Variants in CBLB observed in about 807,000 individuals in gnomAD.
CBLB encodes the protein E3 ubiquitin-protein ligase CBL-B.
CBLB carries 31 observed loss-of-function variants against 104.9 expected under a neutral mutation model. The observed-to-expected ratio is 0.30, with a 90% CI of 0.22 to 0.40. The LOEUF is 0.40. CBLB is among the 10% of genes least tolerant of loss of function. CBLB has a pLI of 1.00. For synonymous variants in CBLB, 440 were observed against 422.6 expected (o/e 1.04, Z -0.51); for missense variants, 1,062 against 1,214.6 (o/e 0.87, Z 1.87).
At chr3:105,683,975 G>A (rs2066662135) in intron 14 of CBLB, among the ~76,000 whole-genome samples, 1 of 152,190 alleles carries the variant, frequency 6.6e-6, no homozygotes. Context: ...CTCTTTCCAA[G>A]TGCTGCATTT....
chr3:105,687,634 T>TCA (rs770362337), intron 13 of CBLB, among the ~76,000 whole-genome samples: 9 of 152,208 alleles, frequency 5.9e-5, no homozygotes, highest in Non-Finnish European at 1.2e-4. Flanking sequence ...GTTCCATTTA[T>TCA]CACCATTTTA....
intron 5 of CBLB, among the ~76,000 whole-genome samples, chr3:105,746,571 C>T (rs1247918895): frequency 2.0e-5 from 3 of 152,176 alleles, no homozygotes; most frequent in Non-Finnish European, 2.9e-5. Context: ...GATGCCTTTA[C>T]TTGAATTTTC....
At chr3:105,735,296 A>G (rs1037907257) in intron 8 of CBLB, among the ~76,000 whole-genome samples, 2 of 152,210 alleles carry the variant, frequency 1.3e-5, no homozygotes, top group African/African-American at 4.8e-5. Context: ...TTAAGGAAAG[A>G]GACGAGAGAA....
intron 3 of CBLB, among the ~76,000 whole-genome samples, chr3:105,800,692 C>A (rs1347059403): frequency 1.3e-5 from 2 of 152,132 alleles, no homozygotes; most frequent in African/African-American, 4.8e-5. Context: ...CCCCCACCCA[C>A]TTCCTGTGAG....
At chr3:105,835,845 A>G (rs2088396162) in intron 3 of CBLB, among the ~76,000 whole-genome samples, 1 of 152,262 alleles carries the variant, frequency 6.6e-6, no homozygotes, top group African/African-American at 2.4e-5. Context: ...CCAGTTATTT[A>G]GGCTTTCCAG....
chr3:105,766,384 T>G (rs371462499), intron 4 of CBLB, among the ~76,000 whole-genome samples: 16 of 152,320 alleles, frequency 1.1e-4, no homozygotes, highest in South Asian at 8.3e-4. Flanking sequence ...ACTCCAATTT[T>G]GAATGAAACT....
intron 6 of CBLB, among the ~76,000 whole-genome samples, chr3:105,743,868 T>C (rs1159494261): frequency 2.6e-5 from 4 of 152,088 alleles, no homozygotes; most frequent in African/African-American, 7.2e-5. Flanking sequence ...TAATTTGTTA[T>C]ATATTATTTA....
intron 9 of CBLB, among the ~76,000 whole-genome samples, chr3:105,729,454 A>G (rs2074060059): frequency 6.6e-6 from 1 of 152,148 alleles, no homozygotes; most frequent in Admixed American, 6.5e-5. Context: ...AAGCAAAATA[A>G]CAAATTCTTC....
intron 3 of CBLB, among the ~76,000 whole-genome samples, chr3:105,839,268 T>C (rs981038338): frequency 1.3e-5 from 2 of 152,220 alleles, no homozygotes; most frequent in African/African-American, 2.4e-5. Context: ...GATTAAATGC[T>C]TGTCAGACAT....
intron 11 of CBLB, 85 bp from the exon 12 acceptor site, chr3:105,702,544 T>C: frequency 7.4e-7 from 1 of 1,354,386 alleles, no homozygotes. Flanking sequence ...AACTAGTGTA[T>C]TATTGCTTTA....
intron 10 of CBLB, among the ~76,000 whole-genome samples, chr3:105,705,492 T>C (rs1195820448): frequency 6.6e-6 from 1 of 152,224 alleles, no homozygotes; most frequent in Non-Finnish European, 1.5e-5. Flanking sequence ...GTCTGATGAC[T>C]TTGACAGTTT....
rs2076049414 is a variant in CBLB at position 105,745,821 on chromosome 3, G to A, written c.845+96C>T. 2.7e-6 allele frequency: 3 copies of A among 1,102,142 alleles called. No individual in the cohort carries two copies. The South Asian group carries it at 3.8e-5, about 14-fold the overall frequency. 68.3% of individuals were successfully genotyped at this position (1,102,142 alleles called of 1,614,324 possible). On this transcript the variant is annotated intron_variant, in intron 6 of 18. Transcript: ENST00000394030. ...CCTTTTCTAGCCCCCTCCCAAGCATGCCATCAGCGGGTATTGCTGACTTAC... is the reference window on the plus strand; with the variant it reads ...CCTTTTCTAGCCCCCTCCCAAGCATACCATCAGCGGGTATTGCTGACTTAC...
At chr3:105,754,549 GAGAGAGAGAGAA>G (rs1339522809) in intron 4 of CBLB, among the ~76,000 whole-genome samples, 43 of 148,156 alleles carry the variant, frequency 2.9e-4, no homozygotes, top group African/African-American at 1.1e-3. Flanking sequence ...GAGAGAGAGA[GAGAGAGAGAGAA>G]AATAAAAAGG....
chr3:105,860,551 C>T (rs1287297156), intron 2 of CBLB, among the ~76,000 whole-genome samples: 5 of 152,156 alleles, frequency 3.3e-5, no homozygotes, highest in African/African-American at 7.2e-5. Flanking sequence ...GGTTCTTCTT[C>T]GGGAAACCTC....
At chr3:105,735,292 A>G (rs1329686917) in intron 8 of CBLB, among the ~76,000 whole-genome samples, 3 of 152,154 alleles carry the variant, frequency 2.0e-5, no homozygotes, top group Non-Finnish European at 4.4e-5. Context: ...GAACTTAAGG[A>G]AAGAGACGAG....
rs1293431696 is a variant in CBLB at position 105,819,160 on chromosome 3, T to C, written c.419+34254A>G. Among the ~76,000 whole-genome samples, 6 of 152,146 alleles carry C rather than the reference T, an allele frequency of 3.9e-5. 1 individual carries two copies. Among genetic ancestry groups the C allele is most frequent in the Admixed American group, 3.9e-4 (6 of 15,272 alleles). ...TGAAGAGAAAAGTAAATATGAATAT[T>C]TAAGTTGGAGCATAAATTAACAGAT... On this transcript the variant is annotated intron_variant, in intron 3 of 18. Coordinates refer to ENST00000394030, the MANE Select transcript of CBLB (RefSeq NM_170662.5).
intron 10 of CBLB, among the ~76,000 whole-genome samples, chr3:105,709,515 T>C (rs567165974): frequency 2.4e-4 from 36 of 151,992 alleles, no homozygotes; most frequent in Admixed American, 2.1e-3. Flanking sequence ...TTGGTGATGG[T>C]TCCTAATCAC....
intron 3 of CBLB, among the ~76,000 whole-genome samples, chr3:105,780,643 T>C (rs1354864441): frequency 6.8e-6 from 1 of 146,686 alleles, no homozygotes; most frequent in East Asian, 2.0e-4. Flanking sequence ...AATTTTACAA[T>C]AAAAGTTTTG....
At chr3:105,866,962 T>C (rs775950112) in intron 2 of CBLB, among the ~76,000 whole-genome samples, 2 of 152,248 alleles carry the variant, frequency 1.3e-5, no homozygotes, top group African/African-American at 2.4e-5. Flanking sequence ...CTACTGCTTC[T>C]TCACTTAAGA....
Sources: allele counts gnomAD v4.1 joint callset (sites outside exome capture counted in the v4.1 genomes callset), GRCh38; gene constraint gnomAD v4.1.1; transcripts MANE v1.5; gene names NCBI Gene and HGNC (gene_info 2026-07-23, HGNC 2026-07-21).